Variants in ZC3H12D observed in about 807,000 individuals in gnomAD.
The protein encoded by ZC3H12D is probable ribonuclease ZC3H12D.
Under a neutral mutation model 24.2 loss-of-function variants are expected in ZC3H12D, and 11 were observed. The observed-to-expected ratio is 0.46, with a 90% CI of 0.29 to 0.75. The LOEUF is 0.75. ZC3H12D is among the 30% of genes least tolerant of loss of function. The probability of loss-of-function intolerance (pLI) is 0.11; values close to 1 mark genes in which losing one functional copy is unlikely to be tolerated. For synonymous variants in ZC3H12D, 333 were observed against 341.8 expected (o/e 0.97, Z 0.28); for missense variants, 740 against 767.7 (o/e 0.96, Z 0.43).
intron 4 of ZC3H12D, among the ~76,000 whole-genome samples, chr6:149,453,156 C>T (rs970013507): frequency 6.6e-6 from 1 of 150,480 alleles, no homozygotes; most frequent in African/African-American, 2.4e-5. Context: ...AGAAAATTAG[C>T]CAGATGTGGT....
rs553881865 is a variant in ZC3H12D, at chr6:149,457,890, G to A, written c.446-990C>T. Among the ~76,000 whole-genome samples, 8 of 152,064 alleles carry A rather than the reference G, an allele frequency of 5.3e-5. No individual in the cohort carries two copies. In the South Asian group the frequency reaches 1.3e-3, roughly 24 times the overall value. The stretch of plus-strand genomic sequence containing the variant: ...TTAAAACGTGCATAATGCAGCTATG[G>A]TACAAAGAACAAAAATAAAGACGCC... On this transcript the variant is annotated intron_variant, in intron 3 of 5. Transcript: ENST00000409806.
intron 1 of ZC3H12D, among the ~76,000 whole-genome samples, chr6:149,483,768 C>T (rs978710993): frequency 2.0e-5 from 3 of 152,072 alleles, no homozygotes; most frequent in Admixed American, 6.6e-5. Context: ...CCAGGCTGGT[C>T]TCAAACTCCT....
chr6:149,469,091 G>A lies in ZC3H12D; in HGVS notation c.305+5148C>T, dbSNP rs556175850. Among the ~76,000 whole-genome samples the A allele has an allele frequency of 1.1e-4, 16 of 152,252 alleles. No homozygotes were observed. The South Asian group carries it at 2.9e-3, about 28-fold the overall frequency. ...CCCCCAAGGTTGTACTTTGAATCCC[G>A]CCTTTTCTAGATTTGCCTACAGAAT... On this transcript the variant is annotated intron_variant, in intron 2 of 5. Coordinates refer to ENST00000409806, the MANE Select transcript of ZC3H12D (RefSeq NM_207360.3).
chr6:149,476,168 G>T (rs770344623), intron 1 of ZC3H12D, among the ~76,000 whole-genome samples: 30 of 152,124 alleles, frequency 2.0e-4, no homozygotes, highest in Non-Finnish European at 3.5e-4. Context: ...CACAAATGGT[G>T]TCATCTTATA....
At chr6:149,482,777 T>C (rs1383870089) in intron 1 of ZC3H12D, among the ~76,000 whole-genome samples, 1 of 152,134 alleles carries the variant, frequency 6.6e-6, no homozygotes, top group African/African-American at 2.4e-5. Flanking sequence ...TATGGGAACC[T>C]CAGTGTCCTG....
chr6:149,477,365 G>A (rs1489525181), intron 1 of ZC3H12D, among the ~76,000 whole-genome samples: 1 of 152,220 alleles, frequency 6.6e-6, no homozygotes, highest in Non-Finnish European at 1.5e-5. Flanking sequence ...CAGGCACCAC[G>A]TGAAACAATG....
Position 149,459,311 on chromosome 6 carries a change from A to G in ZC3H12D, c.446-2411T>C, listed in dbSNP as rs886613807. 5.9e-5 allele frequency among the ~76,000 whole-genome samples: 9 copies of G among 152,236 alleles called. 1 individual carries two copies. The highest frequency in any genetic ancestry group is 2.2e-4 in the African/African-American group (9 of 41,454). ...CAGGACAACCAGTTCATGACAGGGAACTGAACACAAGTATTTATATTCCCT... is the reference window on the plus strand; with the variant it reads ...CAGGACAACCAGTTCATGACAGGGAGCTGAACACAAGTATTTATATTCCCT... On this transcript the variant is annotated intron_variant, in intron 3 of 5. Transcript: ENST00000409806.
chr6:149,451,309 C>T lies in ZC3H12D; in HGVS notation c.958G>A (p.Ala320Thr). The change falls in exon 6 of 6, where the codon GCG becomes ACG. Residue 320 changes from alanine (A) to threonine (T), a missense_variant. By Grantham distance (58) the Ala-to-Thr change is moderately conservative (BLOSUM62 0). Coordinates refer to ENST00000409806, the MANE Select transcript of ZC3H12D (RefSeq NM_207360.3). ...TGCGCAAATGGTTCCCGGGGGGCCGCCCGGGCTCCTGCGGAGCCGCCCGGG... is the reference window on the plus strand; with the variant it reads ...TGCGCAAATGGTTCCCGGGGGGCCGTCCGGGCTCCTGCGGAGCCGCCCGGG... The part of the protein sequence containing the change: ...RAPGGSAGAR[A>T]APREPFAHSL... 3.0e-6 allele frequency: 4 copies of T among 1,331,578 alleles called. No individual in the cohort carries two copies. Among genetic ancestry groups the T allele is most frequent in the Non-Finnish European group, 3.8e-6 (4 of 1,051,018 alleles). 82.5% of individuals were successfully genotyped at this position (1,331,578 alleles called of 1,614,324 possible).
chr6:149,458,111 C>CTCGTTTCTTTTTTTTTTTTTTTT (rs1246641761), intron 3 of ZC3H12D, among the ~76,000 whole-genome samples: 3 of 80,238 alleles, frequency 3.7e-5, no homozygotes, highest in African/African-American at 1.4e-4. Flanking sequence ...CTTTCTTTTT[C>CTCGTTTCTTTTTTTTTTTTTTTT]TTTTTTTTTT....
At position 149,446,857 on chromosome 6, in the gene ZC3H12D, C is replaced by T. The variant is rs1583180829; in HGVS notation, c.*3826G>A. Reference sequence around the variant, plus strand: ...CCAATTAGAGTGGCTTGTCTTGCTTCTACTCCTCAACCCCTGACATTCTAC... The same window carrying T: ...CCAATTAGAGTGGCTTGTCTTGCTTTTACTCCTCAACCCCTGACATTCTAC... On this transcript the variant is annotated 3_prime_UTR_variant, in exon 6 of 6. Coordinates refer to ENST00000409806, the MANE Select transcript of ZC3H12D (RefSeq NM_207360.3). 6.6e-6 allele frequency: 1 copy of T among 152,232 alleles called. No individual in the cohort carries two copies. The highest frequency in any genetic ancestry group is 3.4e-3 in the Middle Eastern group (1 of 294). 9.4% of individuals were successfully genotyped at this position (152,232 alleles called of 1,614,324 possible).
intron 2 of ZC3H12D, among the ~76,000 whole-genome samples, chr6:149,469,051 T>A (rs898746966): frequency 6.6e-6 from 1 of 152,118 alleles, no homozygotes; most frequent in East Asian, 1.9e-4. Context: ...GGATGTGAAA[T>A]TATCAGGTGC....
intron 3 of ZC3H12D, among the ~76,000 whole-genome samples, chr6:149,460,920 C>T (rs1262018960): frequency 6.6e-6 from 1 of 152,038 alleles, no homozygotes; most frequent in Non-Finnish European, 1.5e-5. Flanking sequence ...AGGAGGATCT[C>T]CTGAGCCAGG....
chr6:149,473,420 C>T (rs953867355), intron 2 of ZC3H12D, among the ~76,000 whole-genome samples: 5 of 152,212 alleles, frequency 3.3e-5, no homozygotes, highest in Non-Finnish European at 7.3e-5. Flanking sequence ...CTGCCCTTTG[C>T]ACGGTTGTAA....
chr6:149,451,056 G>C lies in ZC3H12D; in HGVS notation c.1211C>G (p.Pro404Arg). 1 of 1,408,790 alleles carries C rather than the reference G, an allele frequency of 7.1e-7. No homozygotes were observed. Among genetic ancestry groups the C allele is most frequent in the Non-Finnish European group, 9.2e-7 (1 of 1,087,164 alleles). The allele number at this position is 1,408,790 out of a possible 1,614,324, so 87.3% of individuals were successfully genotyped here. Residue 404 changes from proline to arginine, a missense_variant, in exon 6 of 6, where the codon CCG (proline) becomes CGG (arginine). By Grantham distance (103) the Pro-to-Arg change is moderately radical (BLOSUM62 -2). Coordinates refer to ENST00000409806, the MANE Select transcript of ZC3H12D (RefSeq NM_207360.3). The stretch of plus-strand genomic sequence containing the variant: ...CTGGAGCTGCAGGCCGGGCGGAGGC[G>C]GGAGGTCGCCCGGGGAGAACTGGCT... Reference protein sequence around the residue: ...PESQFSPGDLPPPPGLQLQPR... With the variant: ...PESQFSPGDLRPPPGLQLQPR...
chr6:149,452,713 C>T lies in ZC3H12D; in HGVS notation c.690G>A (p.Pro230=), dbSNP rs752115120. Residue 230 remains proline (P), a synonymous_variant, in exon 5 of 6, where the codon CCG becomes CCA. Transcript: ENST00000409806. This position sits in a 1 kb window ranked among gnomAD's most constrained non-coding sequence, Gnocchi z 4.0. ...MFSFVNDRFM[P]PDDPLGRHGP... The stretch of plus-strand genomic sequence containing the variant: ...CATGGCGGCCCAGGGGGTCATCAGG[C>T]GGCATGAACCTGGAAAATAAGCACA... The T allele has an allele frequency of 3.4e-5, 54 of 1,601,784 alleles. No individual in the cohort carries two copies. Among genetic ancestry groups the T allele is most frequent in the South Asian group, 4.5e-5 (4 of 89,092 alleles).
chr6:149,458,148 T>TTTTTTTTTTTTTTTTTC (rs1562472760), intron 3 of ZC3H12D, among the ~76,000 whole-genome samples: 1 of 128,082 alleles, frequency 7.8e-6, no homozygotes, highest in African/African-American at 3.6e-5. Flanking sequence ...TTTTTTTTTT[T>TTTTTTTTTTTTTTTTTC]TTTTTGAGAC....
chr6:149,450,717 C>G lies in ZC3H12D; in HGVS notation c.1550G>C (p.Cys517Ser), dbSNP rs2115000005. 6.5e-7 allele frequency: 1 copy of G among 1,543,580 alleles called. No homozygotes were observed. The highest frequency in any genetic ancestry group is 1.4e-5 in the African/African-American group (1 of 73,042). The change falls in exon 6 of 6, where the codon TGC (cysteine) becomes TCC (serine). Residue 517 changes from cysteine (C) to serine (S), a missense_variant. Cys to Ser is a moderately radical substitution (Grantham distance 112, BLOSUM62 -1). Coordinates refer to ENST00000409806, the MANE Select transcript of ZC3H12D (RefSeq NM_207360.3). ...LARLILLVQR[C>S]QSAGAPLGKP Reference sequence around the variant, plus strand: ...GCCCAGGGGCGCCCCCGCGCTCTGGCATCTCTGTACCAGGAGGATGAGCCT... The same window carrying G: ...GCCCAGGGGCGCCCCCGCGCTCTGGGATCTCTGTACCAGGAGGATGAGCCT...
chr6:149,456,627 C>CCCCCCCCCCCCCG lies in ZC3H12D; in HGVS notation c.680+38_680+39insCGGGGGGGGGGGG. Reference sequence around the variant, plus strand: ...CTGCCTCGACCCCGGCCCCCCGCCCCGCCGCCCCCCAGGGTGTCAGGACCC... The same window carrying CCCCCCCCCCCCCG: ...CTGCCTCGACCCCGGCCCCCCGCCCCCCCCCCCCCCCCGGCCGCCCCCCAGGGTGTCAGGACCC... On this transcript the variant is annotated intron_variant, in intron 4 of 5. Coordinates refer to ENST00000409806, the MANE Select transcript of ZC3H12D (RefSeq NM_207360.3). This position sits in a 1 kb window ranked among gnomAD's most constrained non-coding sequence, Gnocchi z 4.3. 7.1e-7 allele frequency: 1 copy of CCCCCCCCCCCCCG among 1,403,090 alleles called. No homozygotes were observed. Among genetic ancestry groups the CCCCCCCCCCCCCG allele is most frequent in the Non-Finnish European group, 1.0e-6 (1 of 997,692 alleles). The allele number at this position is 1,403,090 out of a possible 1,614,324, so 86.9% of individuals were successfully genotyped here.
intron 2 of ZC3H12D, among the ~76,000 whole-genome samples, chr6:149,470,270 G>A (rs921566063): frequency 3.9e-5 from 6 of 152,172 alleles, no homozygotes; most frequent in African/African-American, 1.4e-4. Flanking sequence ...TGAGTCAGGA[G>A]AATTGCTTGA....
Sources: allele counts gnomAD v4.1 joint callset (sites outside exome capture counted in the v4.1 genomes callset), GRCh38; gene constraint gnomAD v4.1.1; non-coding constraint Gnocchi (gnomAD v3.1); transcripts MANE v1.5; gene names NCBI Gene and HGNC (gene_info 2026-07-23, HGNC 2026-07-21).